The following TRAPPC9 variants were observed in gnomAD, a reference collection of about 807,000 sequenced individuals.
The protein encoded by TRAPPC9 is IKK2 binding protein.
Under a neutral mutation model 124.0 loss-of-function variants are expected in TRAPPC9, and 83 were observed. The observed-to-expected ratio is 0.67, with a 90% confidence interval of 0.56 to 0.80. The LOEUF is 0.80. Among genes scored for constraint, TRAPPC9 ranks in the 30% least tolerant of loss-of-function variants. The pLI is 0.00. For missense variants in TRAPPC9, 1,302 were observed against 1,508.3 expected (o/e 0.86, Z 2.27); for synonymous variants, 638 against 617.5 (o/e 1.03, Z -0.49).
intron 20 of TRAPPC9, among the ~76,000 whole-genome samples, chr8:139,906,374 G>A (rs1285258282): frequency 6.6e-6 from 1 of 152,156 alleles, no homozygotes; most frequent in African/African-American, 2.4e-5. Context: ...AATGGGAGAA[G>A]GGGCTGGTCA....
intron 17 of TRAPPC9, among the ~76,000 whole-genome samples, chr8:140,178,923 A>G (rs1304374425): frequency 6.6e-6 from 1 of 152,086 alleles, no homozygotes; most frequent in Non-Finnish European, 1.5e-5. Context: ...TACAATTATT[A>G]TCCTTCTAAT....
At chr8:139,978,278 C>T (rs1308041333) in intron 19 of TRAPPC9, among the ~76,000 whole-genome samples, 2 of 152,212 alleles carry the variant, frequency 1.3e-5, no homozygotes, top group Non-Finnish European at 2.9e-5. Context: ...AAGAGGTGAA[C>T]AGTCAACCTG....
chr8:140,091,859 C>T (rs1327271977), intron 17 of TRAPPC9, among the ~76,000 whole-genome samples: 1 of 152,160 alleles, frequency 6.6e-6, no homozygotes, highest in East Asian at 1.9e-4. Context: ...CTCCCTACTG[C>T]CTGGGGACAG....
intron 19 of TRAPPC9, among the ~76,000 whole-genome samples, chr8:139,950,669 T>C (rs1033341448): frequency 6.6e-6 from 1 of 152,224 alleles, no homozygotes; most frequent in East Asian, 1.9e-4. Context: ...AACCTTAGAA[T>C]GCTACAGGTA....
chr8:139,998,583 G>A lies in TRAPPC9; in HGVS notation c.2700-9747C>T, dbSNP rs1021029514. Among the ~76,000 whole-genome samples, 10 of 152,206 alleles carry A rather than the reference G, an allele frequency of 6.6e-5. No individual in the cohort carries two copies. The East Asian group carries it at 7.7e-4, about 12-fold the overall frequency. On this transcript the variant is annotated intron_variant, in intron 18 of 22. Transcript: ENST00000438773. Reference sequence around the variant, plus strand: ...AATACAAAAACAAAATTAGCTGGGCGTGCTGGTGGGCACCTGTAGTCCCAG... The same window carrying A: ...AATACAAAAACAAAATTAGCTGGGCATGCTGGTGGGCACCTGTAGTCCCAG...
intron 14 of TRAPPC9, among the ~76,000 whole-genome samples, chr8:140,280,854 A>G (rs920391179): frequency 2.0e-5 from 3 of 152,216 alleles, no homozygotes; most frequent in East Asian, 3.8e-4. Context: ...TCCTGCCACT[A>G]GAGACCTGCT....
intron 21 of TRAPPC9, among the ~76,000 whole-genome samples, chr8:139,857,767 T>G (rs987628616): frequency 8.5e-5 from 13 of 152,208 alleles, no homozygotes; most frequent in African/African-American, 3.1e-4. Flanking sequence ...TGCCAACAGC[T>G]GCACACAGCC....
At chr8:139,946,130 T>C (rs1375100257) in intron 19 of TRAPPC9, among the ~76,000 whole-genome samples, 2 of 152,176 alleles carry the variant, frequency 1.3e-5, no homozygotes, top group Non-Finnish European at 2.9e-5. Flanking sequence ...TTCCAACTGA[T>C]CTCTCTCAAG....
At chr8:140,086,548 C>T (rs952614124) in intron 17 of TRAPPC9, among the ~76,000 whole-genome samples, 4 of 152,160 alleles carry the variant, frequency 2.6e-5, no homozygotes, top group South Asian at 2.1e-4. Context: ...CACCCCATCC[C>T]GTCCTGCTCC....
At chr8:139,979,331 C>G (rs933397167) in intron 19 of TRAPPC9, among the ~76,000 whole-genome samples, 1 of 152,150 alleles carries the variant, frequency 6.6e-6, no homozygotes, top group Non-Finnish European at 1.5e-5. Flanking sequence ...GACGCTGCCA[C>G]GGAGCTTCCC....
At chr8:140,326,302 T>C (rs2066736604) in intron 9 of TRAPPC9, among the ~76,000 whole-genome samples, 1 of 152,098 alleles carries the variant, frequency 6.6e-6, no homozygotes, top group South Asian at 2.1e-4. Context: ...CATTACTTTT[T>C]GGGGAACCTT....
chr8:140,085,394 C>T (rs1224936112), intron 17 of TRAPPC9, among the ~76,000 whole-genome samples: 1 of 150,314 alleles, frequency 6.7e-6, no homozygotes, highest in African/African-American at 2.4e-5. Context: ...ACAGAAATTT[C>T]AACCTCTTGT....
intron 14 of TRAPPC9, among the ~76,000 whole-genome samples, chr8:140,280,347 T>G (rs2065270355): frequency 6.6e-6 from 1 of 152,318 alleles, no homozygotes; most frequent in East Asian, 1.9e-4. Flanking sequence ...AGGTATAAAA[T>G]CCACCTAGCT....
Position 140,006,274 on chromosome 8 carries a change from C to G in TRAPPC9, c.2700-17438G>C, listed in dbSNP as rs147252173. The stretch of plus-strand genomic sequence containing the variant: ...TGTTTCTAATTTTTTAATTAATAAA[C>G]TTTAAAAATATAATTTTTTAAATGT... On this transcript the variant is annotated intron_variant, in intron 18 of 22. Transcript: ENST00000438773. 6.1e-3 allele frequency among the ~76,000 whole-genome samples: 928 copies of G among 152,184 alleles called. 6 individuals are homozygous for G. The highest frequency in any genetic ancestry group is 0.019 in the African/African-American group (772 of 41,526).
At chr8:140,331,652 G>GA (rs2066897577) in intron 9 of TRAPPC9, among the ~76,000 whole-genome samples, 1 of 92,466 alleles carries the variant, frequency 1.1e-5, no homozygotes, top group Non-Finnish European at 2.2e-5. Flanking sequence ...ACCACCCCAT[G>GA]AAAAAGCAGG....
intron 17 of TRAPPC9, among the ~76,000 whole-genome samples, chr8:140,027,537 T>C (rs1840224516): frequency 6.6e-6 from 1 of 152,218 alleles, no homozygotes; most frequent in African/African-American, 2.4e-5. Context: ...GGAAATAGTC[T>C]GTGTTTCTAC....
At chr8:140,020,917 G>A (rs779043236) in intron 18 of TRAPPC9, among the ~76,000 whole-genome samples, 20 of 152,162 alleles carry the variant, frequency 1.3e-4, no homozygotes, top group Non-Finnish European at 2.1e-4. Context: ...AAGTCTAACC[G>A]TTTGATATTA....
chr8:139,907,394 A>T lies in TRAPPC9; in HGVS notation c.2964+2753T>A, dbSNP rs1831427327. On this transcript the variant is annotated intron_variant, in intron 20 of 22. Coordinates refer to ENST00000438773, the MANE Select transcript of TRAPPC9 (RefSeq NM_001160372.4). This position sits in a 1 kb window ranked among gnomAD's most constrained non-coding sequence, Gnocchi z 4.7. The stretch of plus-strand genomic sequence containing the variant: ...TTAGAAAATATTATTAAAATGCATA[A>T]TGAAATTATTAGCCAATTCAATCTT... 6.6e-6 allele frequency among the ~76,000 whole-genome samples: 1 copy of T among 152,128 alleles called. No homozygotes were observed. Among genetic ancestry groups the T allele is most frequent in the South Asian group, 2.1e-4 (1 of 4,818 alleles).
At chr8:140,115,269 G>GTTTTTTTTTTTTTTTTTT (rs375087383) in intron 17 of TRAPPC9, among the ~76,000 whole-genome samples, 1 of 150,518 alleles carries the variant, frequency 6.6e-6, no homozygotes, top group Non-Finnish European at 1.5e-5. Flanking sequence ...TTGTTATAAT[G>GTTTTTTTTTTTTTTTTTT]GTTTTTTTTT....
Sources: allele counts gnomAD v4.1 joint callset (sites outside exome capture counted in the v4.1 genomes callset), GRCh38; gene constraint gnomAD v4.1.1; non-coding constraint Gnocchi (gnomAD v3.1); transcripts MANE v1.5; gene names NCBI Gene and HGNC (gene_info 2026-07-23, HGNC 2026-07-21).